AZI2: variants seen among roughly 807,000 people sequenced by gnomAD.
AZI2 encodes the protein 5-azacytidine-induced protein 2.
A neutral mutation model predicts 45.8 loss-of-function variants in AZI2; 22 were observed. The observed-to-expected ratio is 0.48, with a 90% CI of 0.34 to 0.69. AZI2 has a LOEUF of 0.69. AZI2 is among the 30% of genes least tolerant of loss of function. AZI2 has a pLI of 0.01. For synonymous variants in AZI2, 137 were observed against 156.7 expected (o/e 0.87, Z 0.94); for missense variants, 417 against 441.5 (o/e 0.94, Z 0.50).
chr3:28,326,439 A>G, intron 7 of AZI2: 1 of 160,210 alleles, frequency 6.2e-6, no homozygotes, highest in South Asian at 1.7e-4. Flanking sequence ...CTAAAAAGCT[A>G]GGTGTTTGGT....
intron 7 of AZI2, among the ~76,000 whole-genome samples, chr3:28,325,571 A>G (rs1033936273): frequency 6.6e-6 from 1 of 151,074 alleles, no homozygotes; most frequent in African/African-American, 2.4e-5. Flanking sequence ...AAAGTGCTAG[A>G]AAACTTATGT....
intron 3 of AZI2, 116 bp from the exon 4 acceptor site, chr3:28,338,152 A>G: frequency 1.9e-6 from 1 of 538,190 alleles, no homozygotes; most frequent in Non-Finnish European, 3.0e-6. Context: ...GCAAGGTGAC[A>G]AAATGAACTC....
At position 28,336,437 on chromosome 3, in the gene AZI2, A is replaced by G. The variant is rs559333553; in HGVS notation, c.588+300T>C. Among the ~76,000 whole-genome samples, 3 of 152,206 alleles carry G rather than the reference A, an allele frequency of 2.0e-5. No homozygotes were observed. The South Asian group carries it at 6.2e-4, about 32-fold the overall frequency. On this transcript the variant is annotated intron_variant, in intron 5 of 7. Coordinates refer to ENST00000479665, the MANE Select transcript of AZI2 (RefSeq NM_022461.5). Reference sequence around the variant, plus strand: ...GTTCTCTTTAAACTTTACAGAGAAAAGGAAATTGAAGGAAAGAGAGTCTGA... The same window carrying G: ...GTTCTCTTTAAACTTTACAGAGAAAGGGAAATTGAAGGAAAGAGAGTCTGA...
At chr3:28,347,575 A>G (rs1704303849) in intron 1 of AZI2, among the ~76,000 whole-genome samples, 2 of 152,218 alleles carry the variant, frequency 1.3e-5, no homozygotes, top group African/African-American at 4.8e-5. Flanking sequence ...GAAAAAGTTT[A>G]GCCTCTTACC....
Position 28,323,882 on chromosome 3 carries a change from T to A in AZI2, c.*160A>T. 1 of 709,868 alleles carries A rather than the reference T, an allele frequency of 1.4e-6. No homozygotes were observed. The highest frequency in any genetic ancestry group is 2.2e-6 in the Non-Finnish European group (1 of 448,806). 44.0% of individuals were successfully genotyped at this position (709,868 alleles called of 1,614,324 possible). ...CTCTTTCATACTAGAAAACCAACTA[T>A]GTTGGTTTTTGTACTATTGTACAGT... is the stretch of plus-strand genomic sequence containing the variant. On this transcript the variant is annotated 3_prime_UTR_variant, in exon 8 of 8. Coordinates refer to ENST00000479665, the MANE Select transcript of AZI2 (RefSeq NM_022461.5).
In AZI2 at chr3:28,324,251, T is replaced by G. The variant is rs766128695; in HGVS notation, c.970A>C (p.Arg324=). Residue 324 remains arginine, a synonymous_variant, in exon 8 of 8, where the codon AGA becomes CGA. Coordinates refer to ENST00000479665, the MANE Select transcript of AZI2 (RefSeq NM_022461.5). Reference sequence around the variant, plus strand: ...CATGTACCATCATTAGGAATGGATCTCTCATTGTCTGTCCATGATTGGAGG... The same window carrying G: ...CATGTACCATCATTAGGAATGGATCGCTCATTGTCTGTCCATGATTGGAGG... The part of the protein sequence containing the change: ...AILQSWTDNE[R]SIPNDGTCFQ... 1 of 1,610,128 alleles carries G rather than the reference T, an allele frequency of 6.2e-7. No homozygotes were observed.
intron 3 of AZI2, 145 bp downstream of exon 3, chr3:28,338,348 T>G: frequency 1.2e-6 from 1 of 862,272 alleles, no homozygotes; most frequent in Non-Finnish European, 1.6e-6. Context: ...GTTAAAATAT[T>G]ACTAAAATTT....
chr3:28,329,096 C>T (rs1181796071), intron 6 of AZI2, among the ~76,000 whole-genome samples: 4 of 151,228 alleles, frequency 2.6e-5, no homozygotes, highest in African/African-American at 7.3e-5. Context: ...AGAACTTATA[C>T]AACTACTTAA....
intron 7 of AZI2, chr3:28,324,844 G>A (rs1703324161): frequency 6.4e-6 from 1 of 157,012 alleles, no homozygotes; most frequent in African/African-American, 2.4e-5. Flanking sequence ...GGCTGGAGAA[G>A]GATTGCAGAC....
intron 1 of AZI2, among the ~76,000 whole-genome samples, chr3:28,347,328 G>C (rs1043725992): frequency 6.6e-6 from 1 of 152,132 alleles, no homozygotes; most frequent in Non-Finnish European, 1.5e-5. Context: ...TCACCTTTTG[G>C]AGAAACTATC....
chr3:28,340,737 G>T (rs1703981969), intron 1 of AZI2, 115 bp from the exon 2 acceptor site: 2 of 805,042 alleles, frequency 2.5e-6, no homozygotes, highest in African/African-American at 1.7e-5. Context: ...AAACCAGACT[G>T]CCTGGGTTGT....
chr3:28,340,375 G>T (rs200404536), intron 2 of AZI2, 27 bp downstream of exon 2: 13 of 1,395,440 alleles, frequency 9.3e-6, no homozygotes, highest in Non-Finnish European at 4.0e-6. Flanking sequence ...TGTCACAAAC[G>T]CAATGAAGGT....
intron 6 of AZI2, among the ~76,000 whole-genome samples, chr3:28,330,675 T>C (rs2036321848): frequency 6.6e-6 from 1 of 151,466 alleles, no homozygotes; most frequent in Admixed American, 6.6e-5. Context: ...AGTTTTCTAG[T>C]ACATAACCAG....
rs149852508 is a variant in AZI2, at chr3:28,346,195, C to G, written c.-6+2406G>C. ...ATAACTATGTCAAAAAGAACACTTT[C>G]CCAGGATTCAGAAACACAGATTCTA... On this transcript the variant is annotated intron_variant, in intron 1 of 7. Coordinates refer to ENST00000479665, the MANE Select transcript of AZI2 (RefSeq NM_022461.5). Among the ~76,000 whole-genome samples, 245 of 152,176 alleles carry G rather than the reference C, an allele frequency of 1.6e-3. 3 individuals carry two copies. Among genetic ancestry groups the G allele is most frequent in the African/African-American group, 5.5e-3 (230 of 41,532 alleles).
intron 2 of AZI2, 52 bp downstream of exon 2, chr3:28,340,350 T>G (rs1703962500): frequency 1.6e-6 from 2 of 1,235,728 alleles, no homozygotes; most frequent in Non-Finnish European, 2.3e-6. Context: ...TTCAAGTATT[T>G]TGAATTATTC....
At chr3:28,340,712 T>C (rs927631823) in intron 1 of AZI2, 90 bp from the exon 2 acceptor site, 4 of 990,588 alleles carry the variant, frequency 4.0e-6, no homozygotes, top group Admixed American at 5.3e-5. Context: ...ATGTAAATAC[T>C]AGGACAATGT....
At chr3:28,332,120 C>T (rs1703602446) in intron 6 of AZI2, among the ~76,000 whole-genome samples, 1 of 151,612 alleles carries the variant, frequency 6.6e-6, no homozygotes. Context: ...TCCCTAAAAT[C>T]ATACCTAAAA....
At position 28,340,574 on chromosome 3, in the gene AZI2, T is replaced by G. The variant is rs764517331; in HGVS notation, c.44A>C (p.Glu15Ala). 2 of 1,613,090 alleles carry G rather than the reference T, an allele frequency of 1.2e-6. No homozygotes were observed. Among genetic ancestry groups the G allele is most frequent in the Admixed American group, 3.3e-5 (2 of 59,958 alleles). ...CACTGTATCTCTCTTATGGGCTTTT[T>G]CATGATTCAGAATACAGATATCATC... ...VEDDICILNH[E>A]KAHKRDTVTP... The change falls in exon 2 of 8, where the codon GAA (glutamate) becomes GCA (alanine). Residue 15 changes from glutamate (E) to alanine (A), a missense_variant. Transcript: ENST00000479665.
At chr3:28,334,691 G>C (rs1440881528) in intron 5 of AZI2, among the ~76,000 whole-genome samples, 2 of 151,992 alleles carry the variant, frequency 1.3e-5, no homozygotes, top group East Asian at 3.9e-4. Context: ...GGTTACTTAT[G>C]ACAGATGAAT....
Sources: gnomAD v4.1 joint callset for allele counts (sites outside exome capture counted in the v4.1 genomes callset) on GRCh38, gnomAD v4.1.1 for gene constraint, MANE v1.5 for transcripts, NCBI Gene and HGNC (gene_info 2026-07-23, HGNC 2026-07-21) for gene names.